ADK: variants seen among roughly 807,000 people sequenced by gnomAD.
ADK encodes the protein N6,N6-dimethyladenosine kinase.
A neutral mutation model predicts 44.7 loss-of-function variants in ADK; 24 were observed. The ratio of observed to expected loss-of-function variants is 0.54; its 90% confidence interval spans 0.39 to 0.76. ADK has a LOEUF of 0.76. Among genes scored for constraint, ADK ranks in the 30% least tolerant of loss-of-function variants. The probability of loss-of-function intolerance (pLI) is 0.00; values close to 1 mark genes in which losing one functional copy is unlikely to be tolerated. For missense variants in ADK, 321 were observed against 425.1 expected (o/e 0.76, Z 2.15); for synonymous variants, 128 against 142.6 (o/e 0.90, Z 0.73).
Position 74,224,637 on chromosome 10 carries a change from G to T in ADK, c.194+46G>T. ...GTTGTAAATAGTTTACTCTGTCTAT[G>T]AACTTGATATATGTATATGTAAATT... On this transcript the variant is annotated intron_variant, in intron 3 of 10. Transcript: ENST00000539909. 3 of 1,466,108 alleles carry T rather than the reference G, an allele frequency of 2.0e-6. No homozygotes were observed. In the South Asian group the frequency reaches 3.4e-5, roughly 17 times the overall value. The allele number at this position is 1,466,108 out of a possible 1,614,324, so 90.8% of individuals were successfully genotyped here. A position where few individuals can be genotyped will look rare whatever the true frequency, so the allele number is the denominator to read the frequency against.
At chr10:74,402,912 C>T (rs868506856) in intron 6 of ADK, among the ~76,000 whole-genome samples, 28 of 152,266 alleles carry the variant, frequency 1.8e-4, no homozygotes, top group Non-Finnish European at 1.6e-4. Context: ...ATGATGGTGA[C>T]CTACAGATAG....
At chr10:74,239,941 A>G (rs1416492388) in intron 3 of ADK, among the ~76,000 whole-genome samples, 1 of 152,034 alleles carries the variant, frequency 6.6e-6, no homozygotes, top group African/African-American at 2.4e-5. Flanking sequence ...ATCTTTTAAA[A>G]TAGAAAGTCC....
chr10:74,237,595 G>T (rs1031344168), intron 3 of ADK, among the ~76,000 whole-genome samples: 1 of 152,172 alleles, frequency 6.6e-6, no homozygotes, highest in Non-Finnish European at 1.5e-5. Flanking sequence ...ATTTTAGTTT[G>T]TCTGATCCAT....
At chr10:74,558,085 C>T (rs1481482574) in intron 7 of ADK, among the ~76,000 whole-genome samples, 1 of 147,336 alleles carries the variant, frequency 6.8e-6, no homozygotes, top group Non-Finnish European at 1.6e-5. Context: ...GTGACTCTCT[C>T]CAGGCCCCTC....
intron 2 of ADK, among the ~76,000 whole-genome samples, chr10:74,208,600 CCTGG>C (rs1319863257): frequency 6.6e-6 from 1 of 152,058 alleles, no homozygotes; most frequent in East Asian, 1.9e-4. Context: ...TATTGTTACT[CCTGG>C]CTATTTCTTC....
intron 3 of ADK, among the ~76,000 whole-genome samples, chr10:74,262,710 T>C (rs1379211853): frequency 6.6e-6 from 1 of 152,208 alleles, no homozygotes; most frequent in Non-Finnish European, 1.5e-5. Flanking sequence ...AATACAAAGG[T>C]GATACTGTAC....
At chr10:74,593,521 AACAGG>A (rs1851793914) in intron 8 of ADK, among the ~76,000 whole-genome samples, 1 of 152,120 alleles carries the variant, frequency 6.6e-6, no homozygotes, top group African/African-American at 2.4e-5. Flanking sequence ...AAACAGAGAG[AACAGG>A]ACTATAAAAG....
Position 74,182,569 on chromosome 10 carries a change from G to T in ADK, c.66-18195G>T, listed in dbSNP as rs536612365. Among the ~76,000 whole-genome samples the T allele has an allele frequency of 5.3e-5, 8 of 152,056 alleles. No individual in the cohort carries two copies. The East Asian group carries it at 1.6e-3, about 29-fold the overall frequency. Reference sequence around the variant, plus strand: ...TTTTTAGTAGAGATGGGGTTTCATCGTATTGGTCAGGCTGGCCTCGAACTT... The same window carrying T: ...TTTTTAGTAGAGATGGGGTTTCATCTTATTGGTCAGGCTGGCCTCGAACTT... On this transcript the variant is annotated intron_variant, in intron 1 of 10. Transcript: ENST00000539909.
At chr10:74,674,267 A>C (rs1855299547) in intron 10 of ADK, among the ~76,000 whole-genome samples, 1 of 152,148 alleles carries the variant, frequency 6.6e-6, no homozygotes, top group Non-Finnish European at 1.5e-5. Context: ...AGTTGGAAAT[A>C]CTAAAAGATC....
At chr10:74,572,564 G>C (rs775570244) in intron 7 of ADK, among the ~76,000 whole-genome samples, 5 of 152,100 alleles carry the variant, frequency 3.3e-5, no homozygotes, top group South Asian at 2.1e-4. Flanking sequence ...TGCTAGATTG[G>C]GGAAGTTCTC....
intron 1 of ADK, among the ~76,000 whole-genome samples, chr10:74,185,522 T>TC (rs1842716463): frequency 2.9e-5 from 1 of 34,458 alleles, no homozygotes; most frequent in East Asian, 2.5e-4. Flanking sequence ...AACAATATAA[T>TC]TTTTTTTTTT....
chr10:74,440,533 T>C (rs1266418359), intron 6 of ADK, among the ~76,000 whole-genome samples: 1 of 152,206 alleles, frequency 6.6e-6, no homozygotes, highest in East Asian at 1.9e-4. Context: ...CATACCCTAA[T>C]GAGATATCTT....
chr10:74,262,850 C>T (rs1233711544), intron 3 of ADK, among the ~76,000 whole-genome samples: 1 of 152,142 alleles, frequency 6.6e-6, no homozygotes, highest in Non-Finnish European at 1.5e-5. Context: ...TTTGAATGGA[C>T]TGTGATGCTT....
At chr10:74,368,413 T>C (rs1305272117) in intron 4 of ADK, among the ~76,000 whole-genome samples, 1 of 152,150 alleles carries the variant, frequency 6.6e-6, no homozygotes, top group Non-Finnish European at 1.5e-5. Flanking sequence ...CCAGCTATAG[T>C]TAACCTTTTG....
intron 6 of ADK, among the ~76,000 whole-genome samples, chr10:74,476,384 C>T (rs529311715): frequency 2.6e-5 from 4 of 151,592 alleles, no homozygotes; most frequent in African/African-American, 7.3e-5. Flanking sequence ...CCCAGCTACT[C>T]GGGAGGCTGA....
intron 10 of ADK, among the ~76,000 whole-genome samples, chr10:74,688,160 A>G (rs1462936052): frequency 6.6e-6 from 1 of 152,196 alleles, no homozygotes; most frequent in African/African-American, 2.4e-5. Context: ...TTTGCCTAGA[A>G]TGTTCCTCCC....
chr10:74,347,776 C>T lies in ADK; in HGVS notation c.273+33031C>T, dbSNP rs140122437. Among the ~76,000 whole-genome samples, 352 of 152,220 alleles carry T rather than the reference C, an allele frequency of 2.3e-3. 4 individuals carry two copies. Among genetic ancestry groups the T allele is most frequent in the African/African-American group, 8.1e-3 (338 of 41,532 alleles). On this transcript the variant is annotated intron_variant, in intron 4 of 10. Transcript: ENST00000539909. ...ACTGAGGCTTGAGTAGGTGGTTTTT[C>T]CCTGACAGTACTAAGGTGGCGGGGA...
At chr10:74,570,627 C>T (rs376999081) in intron 7 of ADK, among the ~76,000 whole-genome samples, 1 of 152,148 alleles carries the variant, frequency 6.6e-6, no homozygotes, top group East Asian at 1.9e-4. Flanking sequence ...GTGATTTTTG[C>T]ATATTGATTT....
intron 9 of ADK, among the ~76,000 whole-genome samples, chr10:74,630,817 G>T (rs569047605): frequency 7.2e-5 from 11 of 152,104 alleles, no homozygotes; most frequent in South Asian, 2.1e-4. Flanking sequence ...ATTAGCCAAA[G>T]AATTATATTT....
Sources: gnomAD v4.1 joint callset for allele counts (sites outside exome capture counted in the v4.1 genomes callset) on GRCh38, gnomAD v4.1.1 for gene constraint, MANE v1.5 for transcripts, NCBI Gene and HGNC (gene_info 2026-07-23, HGNC 2026-07-21) for gene names.